CELF4: variants seen among roughly 807,000 people sequenced by gnomAD.
The protein encoded by CELF4 is CUG-BP- and ETR-3-like factor 4.
A neutral mutation model predicts 59.9 loss-of-function variants in CELF4; 18 were observed. The ratio of observed to expected loss-of-function variants is 0.30; its 90% CI spans 0.21 to 0.45. The LOEUF is 0.45. Ranked by LOEUF, CELF4 falls within the 20% of genes least tolerant of loss-of-function variation. The probability of loss-of-function intolerance (pLI) is 1.00; values close to 1 mark genes in which losing one functional copy is unlikely to be tolerated. For synonymous variants in CELF4, 261 were observed against 267.1 expected, an observed-to-expected ratio of 0.98 and a Z score of 0.22; for missense variants, 456 against 689.0, an observed-to-expected ratio of 0.66 and a Z score of 3.79.
intron 2 of CELF4, among the ~76,000 whole-genome samples, chr18:37,342,162 T>C (rs779536472): frequency 6.6e-6 from 1 of 151,936 alleles, no homozygotes; most frequent in Non-Finnish European, 1.5e-5. Context: ...CCCTGGCAAT[T>C]GTGTCCTGGT....
intron 2 of CELF4, among the ~76,000 whole-genome samples, chr18:37,348,817 C>G (rs2098364199): frequency 6.6e-6 from 1 of 152,180 alleles, no homozygotes; most frequent in Non-Finnish European, 1.5e-5. Flanking sequence ...AGGCAAGGCC[C>G]AGCCCATCCT....
At chr18:37,265,905 G>A (rs1008527882) in intron 9 of CELF4, among the ~76,000 whole-genome samples, 1 of 152,204 alleles carries the variant, frequency 6.6e-6, no homozygotes, top group African/African-American at 2.4e-5. Context: ...ATGGGGTGCT[G>A]TGTAGTCCAG....
intron 6 of CELF4, 51 bp downstream of exon 6, chr18:37,274,260 C>T (rs377350888): frequency 6.3e-7 from 1 of 1,597,514 alleles, no homozygotes; most frequent in African/African-American, 1.4e-5. Flanking sequence ...CTCTCTGAGG[C>T]TCCCAGGGGA....
At chr18:37,274,164 C>A (rs1339849563) in intron 6 of CELF4, 147 bp downstream of exon 6, 2 of 1,476,108 alleles carry the variant, frequency 1.4e-6, no homozygotes, top group African/African-American at 1.4e-5. Context: ...GTTAAACCCC[C>A]CAGGTTCATG....
intron 1 of CELF4, among the ~76,000 whole-genome samples, chr18:37,531,020 T>C (rs2099969067): frequency 6.6e-6 from 1 of 151,860 alleles, no homozygotes; most frequent in Non-Finnish European, 1.5e-5. Context: ...AGCAGGTGTC[T>C]TATCTGCTGA....
intron 3 of CELF4, among the ~76,000 whole-genome samples, chr18:37,304,818 G>A (rs1191463221): frequency 6.6e-6 from 1 of 152,238 alleles, no homozygotes. Flanking sequence ...CCTTCCATCA[G>A]CCCTGGGGTG....
intron 2 of CELF4, among the ~76,000 whole-genome samples, chr18:37,388,294 C>G (rs897862099): frequency 2.6e-5 from 4 of 152,150 alleles, no homozygotes; most frequent in African/African-American, 9.6e-5. Context: ...GGAATACTGT[C>G]CCTTCTCCCC....
chr18:37,273,678 G>A (rs9948912), intron 6 of CELF4: 342,031 of 987,228 alleles, frequency 0.35, 60,244 homozygotes, highest in Non-Finnish European at 0.36. Flanking sequence ...TGGCCAAGGC[G>A]GACAGTACTG....
Position 37,321,934 on chromosome 18 carries a change from C to A in CELF4, c.370-53G>T, listed in dbSNP as rs903350617. The A allele has an allele frequency of 7.5e-6, 11 of 1,460,624 alleles. No homozygotes were observed. In the Admixed American group the frequency reaches 1.1e-4, roughly 14 times the overall value. 90.5% of individuals were successfully genotyped at this position (1,460,624 alleles called of 1,614,324 possible). Reference sequence around the variant, plus strand: ...TATAGCAGGCCTGCGGGTGAGGGGACAGACACCCAGCACTCAGGTGCACAG... The same window carrying A: ...TATAGCAGGCCTGCGGGTGAGGGGAAAGACACCCAGCACTCAGGTGCACAG... On this transcript the variant is annotated intron_variant, in intron 2 of 12. Transcript: ENST00000420428.
At chr18:37,522,503 C>G (rs1253077488) in intron 1 of CELF4, among the ~76,000 whole-genome samples, 2 of 152,016 alleles carry the variant, frequency 1.3e-5, no homozygotes, top group Admixed American at 6.6e-5. Context: ...CTGGATAGCT[C>G]TGTGTGTGTG....
intron 3 of CELF4, among the ~76,000 whole-genome samples, chr18:37,289,134 G>A (rs1352029280): frequency 6.6e-6 from 1 of 152,148 alleles, no homozygotes; most frequent in Non-Finnish European, 1.5e-5. Context: ...GAGCGGCCCA[G>A]CTGTGGAGGG....
chr18:37,427,536 C>G (rs1425326301), intron 2 of CELF4, among the ~76,000 whole-genome samples: 1 of 152,136 alleles, frequency 6.6e-6, no homozygotes, highest in East Asian at 1.9e-4. Flanking sequence ...CTCTGGGGAC[C>G]CTTACAGCCC....
At chr18:37,318,972 G>A (rs919116334) in intron 3 of CELF4, among the ~76,000 whole-genome samples, 5 of 152,134 alleles carry the variant, frequency 3.3e-5, no homozygotes, top group African/African-American at 4.8e-5. Flanking sequence ...CTCAAGCTGT[G>A]GGATCTCCCA....
In CELF4 at chr18:37,321,890, G is replaced by C. The variant is rs1423656719; in HGVS notation, c.370-9C>G. On this transcript the variant is annotated splice_polypyrimidine_tract_variant and intron_variant, in intron 2 of 12. Coordinates refer to ENST00000420428, the MANE Select transcript of CELF4 (RefSeq NM_020180.4). ...TGGATCGGCCGGTTCATCTGCAACA[G>C]AGCAGAGGGGGACAGCATTATAGCA... 1 of 1,611,112 alleles carries C rather than the reference G, an allele frequency of 6.2e-7. No individual in the cohort carries two copies. The highest frequency in any genetic ancestry group is 1.3e-5 in the African/African-American group (1 of 74,902).
At position 37,468,033 on chromosome 18, in the gene CELF4, C is replaced by A. The variant is rs190556455; in HGVS notation, c.369+17492G>T. Among the ~76,000 whole-genome samples, 3 of 152,172 alleles carry A rather than the reference C, an allele frequency of 2.0e-5. No homozygotes were observed. In the South Asian group the frequency reaches 6.2e-4, roughly 32 times the overall value. On this transcript the variant is annotated intron_variant, in intron 2 of 12. Coordinates refer to ENST00000420428, the MANE Select transcript of CELF4 (RefSeq NM_020180.4). The stretch of plus-strand genomic sequence containing the variant: ...GAGTGTGCAGCTGCATCTGTATGTG[C>A]GCAAGTACATCTTGCACGTGTGTGC...
At chr18:37,463,294 C>A (rs907079592) in intron 2 of CELF4, among the ~76,000 whole-genome samples, 1 of 152,144 alleles carries the variant, frequency 6.6e-6, no homozygotes, top group Non-Finnish European at 1.5e-5. Flanking sequence ...TGCACCAGGC[C>A]TGGCTGCAGC....
chr18:37,440,937 A>G (rs1445508148), intron 2 of CELF4, among the ~76,000 whole-genome samples: 2 of 152,188 alleles, frequency 1.3e-5, no homozygotes, highest in African/African-American at 4.8e-5. Context: ...AAAGGATTGG[A>G]TGGACTTAAA....
chr18:37,358,254 C>T (rs961201962), intron 2 of CELF4, among the ~76,000 whole-genome samples: 4 of 152,142 alleles, frequency 2.6e-5, no homozygotes, highest in African/African-American at 4.8e-5. Context: ...GTGCTGTTCT[C>T]ATGATAGTGA....
At chr18:37,248,302 CCT>C (rs1430788760) in intron 12 of CELF4, among the ~76,000 whole-genome samples, 1 of 152,188 alleles carries the variant, frequency 6.6e-6, no homozygotes, top group Non-Finnish European at 1.5e-5. Context: ...TTTGCCTTAC[CCT>C]CTTTCTTTGC....
Sources: gnomAD v4.1 joint callset for allele counts (sites outside exome capture counted in the v4.1 genomes callset) on GRCh38, gnomAD v4.1.1 for gene constraint, MANE v1.5 for transcripts, NCBI Gene and HGNC (gene_info 2026-07-23, HGNC 2026-07-21) for gene names.